The following GOLGA8B variants were observed in gnomAD, a reference collection of about 807,000 sequenced individuals.
GOLGA8B encodes the protein golgin subfamily A member 8B.
GOLGA8B carries 1 observed loss-of-function variant against 15.6 expected under a neutral mutation model. The ratio of observed to expected loss-of-function variants is 0.06; its 90% CI spans 0.02 to 0.30. The LOEUF (loss-of-function observed/expected upper bound fraction) is 0.30. Ranked by LOEUF, GOLGA8B falls within the 10% of genes least tolerant of loss-of-function variation. The pLI is 1.00. For synonymous variants in GOLGA8B, 9 were observed against 80.3 expected, an observed-to-expected ratio of 0.11 and a Z score of 4.75; for missense variants, 17 against 201.3, an observed-to-expected ratio of 0.08 and a Z score of 5.54.
intron 1 of GOLGA8B, among the ~76,000 whole-genome samples, chr15:34,583,132 C>A (rs1889292720): frequency 2.6e-5 from 4 of 152,048 alleles, no homozygotes; most frequent in Admixed American, 6.5e-5. Context: ...AGCGGGGCAG[C>A]GGAACGCACC....
In GOLGA8B at chr15:34,583,533, C is replaced by T. The variant is rs1009293902; in HGVS notation, c.-1140G>A. The T allele has an allele frequency of 6.6e-6, 1 of 152,054 alleles. No homozygotes were observed. The highest frequency in any genetic ancestry group is 1.5e-5 in the Non-Finnish European group (1 of 68,038). The allele number at this position is 152,054 out of a possible 1,614,324, so 9.4% of individuals were successfully genotyped here. A position where few individuals can be genotyped will look rare whatever the true frequency, so the allele number is the denominator to read the frequency against. ...CAGCTTACCTGGCCAGGGCGCGGGG[C>T]TGCCCCGGTCCGCCGCCGTCCTCGC... On this transcript the variant is annotated 5_prime_UTR_variant, in exon 1 of 24. Coordinates refer to ENST00000683415, the MANE Select transcript of GOLGA8B (RefSeq NM_001023567.5).
At chr15:34,572,284 C>G (rs1888937615) in intron 1 of GOLGA8B, among the ~76,000 whole-genome samples, 1 of 152,198 alleles carries the variant, frequency 6.6e-6, no homozygotes, top group Non-Finnish European at 1.5e-5. Context: ...AATGCCCAAA[C>G]CATTCAGCCC....
chr15:34,569,449 T>A (rs1888846621), intron 1 of GOLGA8B, among the ~76,000 whole-genome samples: 1 of 151,786 alleles, frequency 6.6e-6, no homozygotes, highest in Non-Finnish European at 1.5e-5. Context: ...GCCACTCCCC[T>A]GCCCTACCAC....
At chr15:34,578,603 C>G (rs1017297379) in intron 1 of GOLGA8B, among the ~76,000 whole-genome samples, 1 of 152,154 alleles carries the variant, frequency 6.6e-6, no homozygotes, top group Non-Finnish European at 1.5e-5. Context: ...GCCTCCTCGT[C>G]GCGAAGTTAA....
chr15:34,568,908 C>T (rs936819074), intron 1 of GOLGA8B, among the ~76,000 whole-genome samples: 2 of 145,108 alleles, frequency 1.4e-5, no homozygotes, highest in Non-Finnish European at 3.0e-5. Context: ...ATGCCTGCTA[C>T]TTGGCCTTGT....
At chr15:34,543,380 T>C (rs1595699465) in intron 7 of GOLGA8B, among the ~76,000 whole-genome samples, 1 of 145,778 alleles carries the variant, frequency 6.9e-6, no homozygotes, top group Admixed American at 6.9e-5. Context: ...GGTGGTGGGG[T>C]ATTTTTTGGA....
rs4041351 is a variant in GOLGA8B, at chr15:34,527,099, G to A, written c.*533C>T. ...GTTCTCGGCCTTTAAACAGCTCTAA[G>A]TGTCAGTACTCATAGTGGCATATTA... On this transcript the variant is annotated 3_prime_UTR_variant, in exon 24 of 24. Coordinates refer to ENST00000683415, the MANE Select transcript of GOLGA8B (RefSeq NM_001023567.5). The A allele has an allele frequency of 1.3e-3, 254 of 197,872 alleles. 20 individuals carry two copies. Among genetic ancestry groups the A allele is most frequent in the African/African-American group, 5.6e-3 (226 of 40,656 alleles). 12.3% of individuals were successfully genotyped at this position (197,872 alleles called of 1,614,324 possible). A position where few individuals can be genotyped will look rare whatever the true frequency, so the allele number is the denominator to read the frequency against.
intron 1 of GOLGA8B, among the ~76,000 whole-genome samples, chr15:34,578,123 T>C (rs1161623642): frequency 6.6e-6 from 1 of 152,158 alleles, no homozygotes; most frequent in Non-Finnish European, 1.5e-5. Flanking sequence ...TACTAGTAAG[T>C]TTCCTCAGAA....
rs546513830 is a variant in GOLGA8B, at chr15:34,527,421, A to G, written c.*211T>C. 268 of 634,592 alleles carry G rather than the reference A, an allele frequency of 4.2e-4. 9 individuals carry two copies. Among genetic ancestry groups the G allele is most frequent in the Admixed American group, 8.1e-4 (21 of 25,814 alleles). The allele number at this position is 634,592 out of a possible 1,614,324, so 39.3% of individuals were successfully genotyped here. On this transcript the variant is annotated 3_prime_UTR_variant, in exon 24 of 24. Coordinates refer to ENST00000683415, the MANE Select transcript of GOLGA8B (RefSeq NM_001023567.5). ...TATGAAATGAAAAAAGAAAAATGCT[A>G]AAGGATGCCAGAGTGAACATCAGTG...
chr15:34,564,338 T>C (rs180857801), intron 1 of GOLGA8B, among the ~76,000 whole-genome samples: 46 of 136,156 alleles, frequency 3.4e-4, no homozygotes, highest in Admixed American at 3.0e-3. Flanking sequence ...CAGTTAGTTG[T>C]AGTAACTGTA....
At chr15:34,569,015 G>A (rs1347061058) in intron 1 of GOLGA8B, among the ~76,000 whole-genome samples, 1 of 149,718 alleles carries the variant, frequency 6.7e-6, no homozygotes, top group Non-Finnish European at 1.5e-5. Flanking sequence ...CATGTCCCAG[G>A]AGCCAGCTCT....
intron 1 of GOLGA8B, among the ~76,000 whole-genome samples, chr15:34,580,898 C>A (rs1199405010): frequency 6.6e-6 from 1 of 152,204 alleles, no homozygotes; most frequent in East Asian, 1.9e-4. Flanking sequence ...TCTCCATGTT[C>A]CTAGTCCTCA....
intron 1 of GOLGA8B, among the ~76,000 whole-genome samples, chr15:34,575,702 G>T (rs1889057117): frequency 6.6e-6 from 1 of 152,186 alleles, no homozygotes; most frequent in Non-Finnish European, 1.5e-5. Flanking sequence ...CACTCTTCTA[G>T]GATGGGGTCC....
At chr15:34,582,837 C>T (rs1241526238) in intron 1 of GOLGA8B, 1 of 152,224 alleles carries the variant, frequency 6.6e-6, no homozygotes, top group East Asian at 1.9e-4. Flanking sequence ...GATCTCCCTC[C>T]AGCAGCCTTG....
intron 1 of GOLGA8B, among the ~76,000 whole-genome samples, chr15:34,559,996 T>TC (rs1287677011): frequency 1.7e-4 from 25 of 149,592 alleles, no homozygotes; most frequent in Admixed American, 4.0e-4. Flanking sequence ...AGGAGGACAT[T>TC]CAAGACCAAA....
At chr15:34,576,716 A>G (rs1191937478) in intron 1 of GOLGA8B, among the ~76,000 whole-genome samples, 1 of 152,212 alleles carries the variant, frequency 6.6e-6, no homozygotes, top group East Asian at 1.9e-4. Context: ...GGGGCTCAGA[A>G]TCTAGCAGTC....
intron 1 of GOLGA8B, among the ~76,000 whole-genome samples, chr15:34,580,886 T>G (rs977511479): frequency 6.6e-6 from 1 of 152,168 alleles, no homozygotes; most frequent in African/African-American, 2.4e-5. Context: ...ACCCTACCTG[T>G]GTCTCCATGT....
Position 34,566,353 on chromosome 15 carries a change from C to T in GOLGA8B, c.-1122-12397G>A, listed in dbSNP as rs200322728. ...GTAAATTTCATCTTTTGTGTATTTACCATAATTTTTAAAAACTAAGAAAAT... is the reference window on the plus strand; with the variant it reads ...GTAAATTTCATCTTTTGTGTATTTATCATAATTTTTAAAAACTAAGAAAAT... On this transcript the variant is annotated intron_variant, in intron 1 of 23. Coordinates refer to ENST00000683415, the MANE Select transcript of GOLGA8B (RefSeq NM_001023567.5). The T allele has an allele frequency of 7.0e-5, 10 of 143,378 alleles. No individual in the cohort carries two copies. In the East Asian group the frequency reaches 1.9e-3, roughly 28 times the overall value. 8.9% of individuals were successfully genotyped at this position (143,378 alleles called of 1,614,324 possible).
intron 1 of GOLGA8B, among the ~76,000 whole-genome samples, chr15:34,582,478 T>C (rs1424235842): frequency 6.6e-6 from 1 of 152,238 alleles, no homozygotes; most frequent in African/African-American, 2.4e-5. Context: ...AGACGCAAGA[T>C]GCGAAGTTTG....
Sources: allele counts gnomAD v4.1 joint callset (sites outside exome capture counted in the v4.1 genomes callset), GRCh38; gene constraint gnomAD v4.1.1; transcripts MANE v1.5; gene names NCBI Gene and HGNC (gene_info 2026-07-23, HGNC 2026-07-21).